The following CDK14 variants were observed in gnomAD, a reference collection of about 807,000 sequenced individuals.
CDK14 encodes the protein cyclin-dependent kinase 14.
In CDK14, 34 loss-of-function variants were observed where a neutral mutation model predicts 60.7. The ratio of observed to expected loss-of-function variants is 0.56; its 90% confidence interval spans 0.43 to 0.75. The LOEUF (loss-of-function observed/expected upper bound fraction) is 0.75, where lower values mean the gene tolerates loss of function less well. Among genes scored for constraint, CDK14 ranks in the 30% least tolerant of loss-of-function variants. CDK14 has a pLI of 0.00. For missense variants in CDK14, 482 were observed against 564.1 expected (o/e 0.85, Z 1.47); for synonymous variants, 197 against 203.7 (o/e 0.97, Z 0.28).
At chr7:90,890,053 T>A (rs1792065480) in intron 6 of CDK14, among the ~76,000 whole-genome samples, 1 of 152,196 alleles carries the variant, frequency 6.6e-6, no homozygotes, top group Non-Finnish European at 1.5e-5. Flanking sequence ...TTGCAATGTT[T>A]TGTTTGTTAT....
intron 12 of CDK14, among the ~76,000 whole-genome samples, chr7:91,107,190 A>G (rs939826041): frequency 6.6e-6 from 1 of 152,212 alleles, no homozygotes; most frequent in Non-Finnish European, 1.5e-5. Context: ...AGTGTAGTAT[A>G]AAGTGTGGTA....
chr7:91,153,522 C>A (rs771491022), intron 14 of CDK14, among the ~76,000 whole-genome samples: 3 of 152,106 alleles, frequency 2.0e-5, no homozygotes, highest in Non-Finnish European at 4.4e-5. Context: ...AAATATGGCA[C>A]ATATACACCA....
intron 4 of CDK14, among the ~76,000 whole-genome samples, chr7:90,776,401 C>G (rs1805046298): frequency 6.6e-6 from 1 of 152,130 alleles, no homozygotes; most frequent in Non-Finnish European, 1.5e-5. Flanking sequence ...ACCCATAGCC[C>G]TAAAACTCCA....
chr7:90,953,834 A>C (rs1794329775), intron 8 of CDK14, among the ~76,000 whole-genome samples: 2 of 152,192 alleles, frequency 1.3e-5, no homozygotes, highest in South Asian at 4.1e-4. Flanking sequence ...CTCCATATGG[A>C]ACCATAGGCA....
At chr7:90,651,394 C>G (rs1359009464) in intron 2 of CDK14, among the ~76,000 whole-genome samples, 3 of 152,098 alleles carry the variant, frequency 2.0e-5, no homozygotes, top group Non-Finnish European at 4.4e-5. Flanking sequence ...CTTTGAGCAC[C>G]CAGATGCTGG....
In CDK14 at chr7:91,182,907, A is replaced by C. The variant is rs192524264; in HGVS notation, c.*29-24258A>C. On this transcript the variant is annotated intron_variant, in intron 14 of 14. Coordinates refer to ENST00000380050, the MANE Select transcript of CDK14 (RefSeq NM_001287135.2). ...CTATTCCTTATAAATGTTGAGGAATAAATTTTTCACCAGAGAGGGAAAGCC... is the reference window on the plus strand; with the variant it reads ...CTATTCCTTATAAATGTTGAGGAATCAATTTTTCACCAGAGAGGGAAAGCC... 3.7e-3 allele frequency among the ~76,000 whole-genome samples: 568 copies of C among 152,328 alleles called. 3 individuals carry two copies. The highest frequency in any genetic ancestry group is 0.013 in the African/African-American group (544 of 41,566).
chr7:90,905,712 C>G (rs1224103378), intron 7 of CDK14, among the ~76,000 whole-genome samples: 2 of 152,016 alleles, frequency 1.3e-5, no homozygotes, highest in African/African-American at 2.4e-5. Context: ...TTTCCCTGAG[C>G]TACATGATTA....
chr7:90,965,272 G>A lies in CDK14; in HGVS notation c.947+9455G>A, dbSNP rs75526037. ...TCTGTCCTGCCCTGTGTCTTACTTC[G>A]CTGACCCCTAGGGAATTGCATCCTC... On this transcript the variant is annotated intron_variant, in intron 9 of 14. Coordinates refer to ENST00000380050, the MANE Select transcript of CDK14 (RefSeq NM_001287135.2). Among the ~76,000 whole-genome samples, 562 of 152,106 alleles carry A rather than the reference G, an allele frequency of 3.7e-3. 2 individuals are homozygous for A. The highest frequency in any genetic ancestry group is 6.4e-3 in the Non-Finnish European group (438 of 67,994).
intron 6 of CDK14, among the ~76,000 whole-genome samples, chr7:90,884,622 G>A (rs1791881725): frequency 6.6e-6 from 1 of 152,068 alleles, no homozygotes; most frequent in African/African-American, 2.4e-5. Context: ...CACCCGTTTA[G>A]CCAGGACAAT....
At chr7:90,695,973 G>A (rs1004714749) in intron 2 of CDK14, among the ~76,000 whole-genome samples, 1 of 152,184 alleles carries the variant, frequency 6.6e-6, no homozygotes, top group African/African-American at 2.4e-5. Flanking sequence ...AACCCTGCCT[G>A]TTGTGTAGAA....
intron 2 of CDK14, among the ~76,000 whole-genome samples, chr7:90,618,748 T>G (rs549749787): frequency 2.0e-5 from 3 of 152,340 alleles, no homozygotes; most frequent in Admixed American, 2.0e-4. Flanking sequence ...ATGGACTAGT[T>G]CTGCAAGTAT....
intron 1 of CDK14, among the ~76,000 whole-genome samples, chr7:90,598,421 C>T (rs893152287): frequency 6.6e-6 from 1 of 152,164 alleles, no homozygotes; most frequent in Non-Finnish European, 1.5e-5. Context: ...GTTAAAATGT[C>T]TTCTAAGAGC....
At chr7:90,979,440 G>A (rs1795166889) in intron 9 of CDK14, 1 of 152,108 alleles carries the variant, frequency 6.6e-6, no homozygotes, top group Non-Finnish European at 1.5e-5. Flanking sequence ...AGCCCTTTCA[G>A]GCGTTAAGCA....
intron 5 of CDK14, among the ~76,000 whole-genome samples, chr7:90,847,215 T>C (rs1421775835): frequency 3.3e-5 from 5 of 152,154 alleles, no homozygotes; most frequent in South Asian, 2.1e-4. Context: ...GAGTCAAATG[T>C]TAAAAGTTTT....
chr7:91,108,284 G>A (rs887641239), intron 12 of CDK14, among the ~76,000 whole-genome samples: 2 of 152,196 alleles, frequency 1.3e-5, no homozygotes, highest in Non-Finnish European at 2.9e-5. Context: ...TCCAGCCTGG[G>A]CAGCAGAGTG....
At chr7:90,984,035 A>T (rs1455828862) in intron 9 of CDK14, 113 bp from the exon 10 acceptor site, 1 of 723,458 alleles carries the variant, frequency 1.4e-6, no homozygotes, top group Non-Finnish European at 2.5e-6. Context: ...GGGAAAAAGG[A>T]AACAGTTTAC....
At chr7:90,723,806 A>C (rs757282835) in intron 2 of CDK14, among the ~76,000 whole-genome samples, 1 of 152,168 alleles carries the variant, frequency 6.6e-6, no homozygotes, top group African/African-American at 2.4e-5. Context: ...ATGGTTTACT[A>C]TCTTCTTTAT....
intron 5 of CDK14, among the ~76,000 whole-genome samples, chr7:90,807,908 T>G (rs1332858038): frequency 6.6e-6 from 1 of 151,834 alleles, no homozygotes; most frequent in South Asian, 2.1e-4. Flanking sequence ...GAAGAGAAGT[T>G]TAGAGAAAAA....
intron 5 of CDK14, among the ~76,000 whole-genome samples, chr7:90,813,250 G>T (rs1326485734): frequency 6.6e-6 from 1 of 152,160 alleles, no homozygotes; most frequent in Non-Finnish European, 1.5e-5. Flanking sequence ...GAACTTTCCA[G>T]AAAAAGTTGC....
Sources: gnomAD v4.1 joint callset for allele counts (sites outside exome capture counted in the v4.1 genomes callset) on GRCh38, gnomAD v4.1.1 for gene constraint, MANE v1.5 for transcripts, NCBI Gene and HGNC (gene_info 2026-07-23, HGNC 2026-07-21) for gene names.